Variants in KIRREL3 observed in about 807,000 individuals in gnomAD.
KIRREL3 encodes the protein kin of IRRE-like protein 3.
In KIRREL3, 36 loss-of-function variants were observed where a neutral mutation model predicts 89.7. The observed-to-expected ratio is 0.40, with a 90% CI of 0.31 to 0.53. KIRREL3 has a LOEUF of 0.53. Ranked by LOEUF, KIRREL3 falls within the 20% of genes least tolerant of loss-of-function variation. The pLI is 0.49. For synonymous variants in KIRREL3, 445 were observed against 441.4 expected, an observed-to-expected ratio of 1.01 and a Z score of -0.10; for missense variants, 864 against 1,056.6, an observed-to-expected ratio of 0.82 and a Z score of 2.53.
chr11:126,911,191 G>A (rs1192570308), intron 1 of KIRREL3, among the ~76,000 whole-genome samples: 2 of 152,250 alleles, frequency 1.3e-5, no homozygotes, highest in East Asian at 3.9e-4. Flanking sequence ...TCTAGACATG[G>A]CCCCTCCAAG....
Position 126,435,599 on chromosome 11 carries a change from C to T in KIRREL3, c.1553-296G>A, listed in dbSNP as rs540999102. On this transcript the variant is annotated intron_variant, in intron 12 of 16. Transcript: ENST00000525144. Reference sequence around the variant, plus strand: ...GGATGGGGGCACCAAGGGGAAGACACGGAGGGTAGGCAACAGGGGACCAGG... The same window carrying T: ...GGATGGGGGCACCAAGGGGAAGACATGGAGGGTAGGCAACAGGGGACCAGG... Among the ~76,000 whole-genome samples, 40 of 152,044 alleles carry T rather than the reference C, an allele frequency of 2.6e-4. No homozygotes were observed. The Middle Eastern group carries it at 0.01, about 39-fold the overall frequency.
intron 1 of KIRREL3, among the ~76,000 whole-genome samples, chr11:126,757,024 T>C (rs533375909): frequency 3.9e-5 from 6 of 152,264 alleles, no homozygotes; most frequent in African/African-American, 1.4e-4. Flanking sequence ...TTATATGCCA[T>C]GTTACACACA....
Position 126,655,960 on chromosome 11 carries a change from A to C in KIRREL3, c.56-93048T>G. ...ATGATGAAACACTGTTGAATCTAAAAGGTGGGTGGGGCTGAAGGAGGGGTG... is the reference window on the plus strand; with the variant it reads ...ATGATGAAACACTGTTGAATCTAAACGGTGGGTGGGGCTGAAGGAGGGGTG... On this transcript the variant is annotated intron_variant, in intron 1 of 16. Coordinates refer to ENST00000525144, the MANE Select transcript of KIRREL3 (RefSeq NM_032531.4). The surrounding 1 kb of genome is among the most constrained non-coding windows in gnomAD (Gnocchi z 5.0). 1 of 249,924 alleles carries C rather than the reference A, an allele frequency of 4.0e-6. No homozygotes were observed. Among genetic ancestry groups the C allele is most frequent in the Non-Finnish European group, 8.0e-6 (1 of 124,630 alleles). 15.5% of individuals were successfully genotyped at this position (249,924 alleles called of 1,614,324 possible).
At chr11:126,861,045 C>T (rs1944687276) in intron 1 of KIRREL3, among the ~76,000 whole-genome samples, 1 of 152,076 alleles carries the variant, frequency 6.6e-6, no homozygotes, top group African/African-American at 2.4e-5. Flanking sequence ...TTTGTGTACT[C>T]GTTTTGTTTG....
intron 4 of KIRREL3, among the ~76,000 whole-genome samples, chr11:126,481,602 G>A (rs1024046206): frequency 6.6e-6 from 1 of 152,172 alleles, no homozygotes; most frequent in Non-Finnish European, 1.5e-5. Flanking sequence ...GGGTCTTTCT[G>A]GATTCCACTC....
chr11:126,692,311 A>G (rs1050328611), intron 1 of KIRREL3, among the ~76,000 whole-genome samples: 3 of 152,072 alleles, frequency 2.0e-5, no homozygotes, highest in Non-Finnish European at 2.9e-5. Flanking sequence ...TTCGGAAGCC[A>G]AGGCAGGAAG....
chr11:126,546,457 G>A (rs1407903321), intron 2 of KIRREL3, among the ~76,000 whole-genome samples: 1 of 152,212 alleles, frequency 6.6e-6, no homozygotes, highest in African/African-American at 2.4e-5. Context: ...AGCTGCCCCT[G>A]CTCCTTGGAG....
intron 2 of KIRREL3, among the ~76,000 whole-genome samples, chr11:126,534,935 G>A (rs939041431): frequency 6.6e-6 from 1 of 152,184 alleles, no homozygotes; most frequent in Admixed American, 6.5e-5. Flanking sequence ...GATGGGCCAC[G>A]TGGCGTCCCT....
chr11:126,834,242 T>C (rs1943704241), intron 1 of KIRREL3, among the ~76,000 whole-genome samples: 1 of 152,148 alleles, frequency 6.6e-6, no homozygotes, highest in Non-Finnish European at 1.5e-5. Context: ...GGAGGTGAGG[T>C]TGTCATAGGT....
intron 2 of KIRREL3, among the ~76,000 whole-genome samples, chr11:126,529,334 C>T (rs1270038929): frequency 6.6e-6 from 1 of 152,142 alleles, no homozygotes; most frequent in African/African-American, 2.4e-5. Context: ...TGAAGCAGGC[C>T]ATGGAGGTGG....
chr11:126,715,649 G>A lies in KIRREL3; in HGVS notation c.56-152737C>T, dbSNP rs571963764. 9.2e-5 allele frequency among the ~76,000 whole-genome samples: 14 copies of A among 152,266 alleles called. No homozygotes were observed. Among genetic ancestry groups the A allele is most frequent in the South Asian group, 2.1e-4 (1 of 4,814 alleles). On this transcript the variant is annotated intron_variant, in intron 1 of 16. Transcript: ENST00000525144. This position sits in a 1 kb window ranked among gnomAD's most constrained non-coding sequence, Gnocchi z 4.4. ...ACAAGAGGAAAAGGGACTACAGCAC[G>A]TGAAACATACTAAAGAGAAGAGCAA... is the stretch of plus-strand genomic sequence containing the variant.
rs529824227 is a variant in KIRREL3, at chr11:126,748,504, G to A, written c.56-185592C>T. On this transcript the variant is annotated intron_variant, in intron 1 of 16. Coordinates refer to ENST00000525144, the MANE Select transcript of KIRREL3 (RefSeq NM_032531.4). This position sits in a 1 kb window ranked among gnomAD's most constrained non-coding sequence, Gnocchi z 4.6. ...GGCGTTTCAGGCCATCTCTAAACAGGCTCTGTGGAGGCGAGGCCTGGCTCC... is the reference window on the plus strand; with the variant it reads ...GGCGTTTCAGGCCATCTCTAAACAGACTCTGTGGAGGCGAGGCCTGGCTCC... Among the ~76,000 whole-genome samples, 1 of 152,206 alleles carries A rather than the reference G, an allele frequency of 6.6e-6. No homozygotes were observed. The highest frequency in any genetic ancestry group is 1.5e-5 in the Non-Finnish European group (1 of 68,040).
At chr11:126,440,315 G>A (rs1955511056) in intron 11 of KIRREL3, 134 bp downstream of exon 11, 2 of 781,328 alleles carry the variant, frequency 2.6e-6, no homozygotes, top group Non-Finnish European at 4.4e-6. Context: ...AGACAGCCAA[G>A]GCAGGTATAA....
Position 126,526,794 on chromosome 11 carries a change from T to C in KIRREL3, c.134-107A>G. 8.2e-7 allele frequency: 1 copy of C among 1,224,940 alleles called. No individual in the cohort carries two copies. Among genetic ancestry groups the C allele is most frequent in the Non-Finnish European group, 1.1e-6 (1 of 875,430 alleles). 75.9% of individuals were successfully genotyped at this position (1,224,940 alleles called of 1,614,324 possible). On this transcript the variant is annotated intron_variant, in intron 2 of 16. Transcript: ENST00000525144. This position sits in a 1 kb window ranked among gnomAD's most constrained non-coding sequence, Gnocchi z 5.7. ...CAGGGCTGGCGCAGGAGACTGAGCC[T>C]CCTGAAGCACCTGGCTTTCCTGCTG...
chr11:126,722,571 G>T (rs2134173293), intron 1 of KIRREL3, among the ~76,000 whole-genome samples: 1 of 152,358 alleles, frequency 6.6e-6, no homozygotes, highest in East Asian at 1.9e-4. Context: ...TATTGTCTAT[G>T]ACTACTTTCA....
chr11:126,662,906 C>CTTT (rs756193928), intron 1 of KIRREL3, among the ~76,000 whole-genome samples: 21,647 of 91,576 alleles, frequency 0.24, 2,515 homozygotes, highest in Admixed American at 0.29. Flanking sequence ...AAAGTCCTTT[C>CTTT]TTTTTTTTTT....
intron 1 of KIRREL3, among the ~76,000 whole-genome samples, chr11:126,888,183 T>C (rs911289323): frequency 2.0e-5 from 3 of 152,182 alleles, no homozygotes; most frequent in Non-Finnish European, 4.4e-5. Flanking sequence ...GTGGGCTGAA[T>C]TGATTGCCAG....
intron 5 of KIRREL3, among the ~76,000 whole-genome samples, chr11:126,469,113 T>A (rs1366229258): frequency 1.3e-5 from 2 of 152,172 alleles, no homozygotes; most frequent in African/African-American, 4.8e-5. Flanking sequence ...CTGCTGTCGT[T>A]CCCATTGTAT....
At chr11:126,548,293 G>C (rs776991652) in intron 2 of KIRREL3, among the ~76,000 whole-genome samples, 1 of 152,104 alleles carries the variant, frequency 6.6e-6, no homozygotes, top group African/African-American at 2.4e-5. Flanking sequence ...CGACCATCCC[G>C]CGTCTTCAGG....
Sources: allele counts gnomAD v4.1 joint callset (sites outside exome capture counted in the v4.1 genomes callset), GRCh38; gene constraint gnomAD v4.1.1; non-coding constraint Gnocchi (gnomAD v3.1); transcripts MANE v1.5; gene names NCBI Gene and HGNC (gene_info 2026-07-23, HGNC 2026-07-21).